The following SMCO4 variants were observed in gnomAD, a reference collection of about 807,000 sequenced individuals.
The protein encoded by SMCO4 is single-pass membrane and coiled-coil domain-containing protein 4.
A neutral mutation model predicts 3.6 loss-of-function variants in SMCO4; 4 were observed. That is an observed-to-expected ratio of 1.11 (90% CI 0.54 to 2.53). The LOEUF (loss-of-function observed/expected upper bound fraction) is 2.53. Ranked by LOEUF, SMCO4 falls within the 30% of genes most tolerant of loss-of-function variation. SMCO4 has a pLI of 0.02. For synonymous variants in SMCO4, 36 were observed against 35.3 expected (o/e 1.02, Z -0.07); for missense variants, 70 against 80.8 (o/e 0.87, Z 0.51).
At chr11:93,523,144 T>C (rs886610023) in intron 1 of SMCO4, among the ~76,000 whole-genome samples, 64 of 152,186 alleles carry the variant, frequency 4.2e-4, no homozygotes, top group African/African-American at 1.4e-3. Context: ...TGACCAAAAA[T>C]GTAAGAGCTG....
intron 1 of SMCO4, among the ~76,000 whole-genome samples, chr11:93,534,375 TAGAGAGAG>T (rs1555079957): frequency 7.0e-6 from 1 of 142,132 alleles, no homozygotes; most frequent in Admixed American, 7.1e-5. Context: ...TATATATATA[TAGAGAGAG>T]AGAGAGAGAG....
chr11:93,532,238 A>T (rs1190584751), intron 1 of SMCO4, among the ~76,000 whole-genome samples: 1 of 152,258 alleles, frequency 6.6e-6, no homozygotes, highest in Non-Finnish European at 1.5e-5. Flanking sequence ...AAACAGAGAC[A>T]CACACCGTAA....
At chr11:93,537,746 G>A (rs112893486) in intron 1 of SMCO4, 8 of 151,938 alleles carry the variant, frequency 5.3e-5, no homozygotes, top group African/African-American at 1.4e-4. Flanking sequence ...GGGGACTGCC[G>A]AGAAGTGCCC....
chr11:93,534,373 TATAGAGAGAG>T (rs1949198258), intron 1 of SMCO4, among the ~76,000 whole-genome samples: 1 of 134,186 alleles, frequency 7.5e-6, no homozygotes, highest in African/African-American at 2.8e-5. Flanking sequence ...TATATATATA[TATAGAGAGAG>T]AGAGAGAGAG....
chr11:93,513,281 T>G (rs1167586585), intron 1 of SMCO4, among the ~76,000 whole-genome samples: 1 of 152,242 alleles, frequency 6.6e-6, no homozygotes. Context: ...TGTGAAGACC[T>G]TAGCAATGTT....
intron 1 of SMCO4, among the ~76,000 whole-genome samples, chr11:93,507,614 A>G (rs918056174): frequency 1.3e-5 from 2 of 152,218 alleles, no homozygotes; most frequent in African/African-American, 4.8e-5. Context: ...GATCCTTTCA[A>G]TGGATGTGAT....
At chr11:93,480,155 G>A (rs149170953) in intron 2 of SMCO4, among the ~76,000 whole-genome samples, 2 of 152,174 alleles carry the variant, frequency 1.3e-5, no homozygotes, top group Admixed American at 6.5e-5. Flanking sequence ...GATTTAAATC[G>A]AGTTTACTTA....
intron 1 of SMCO4, among the ~76,000 whole-genome samples, chr11:93,522,317 T>C (rs2305662): frequency 0.016 from 2,431 of 152,304 alleles, 110 homozygotes; most frequent in East Asian, 0.14. Flanking sequence ...TCTTGGTCTA[T>C]AAAACAGAAG....
the SMCO4 span, among the ~76,000 whole-genome samples, chr11:93,551,898 T>C: frequency 4.6e-5 from 7 of 152,156 alleles, no homozygotes; most frequent in Non-Finnish European, 8.8e-5. Context: ...AAGTACTTCC[T>C]GAAACTTGAA....
Position 93,485,757 on chromosome 11 carries a change from C to T in SMCO4, c.-80-6488G>A, listed in dbSNP as rs77050160. Among the ~76,000 whole-genome samples the T allele has an allele frequency of 8.1e-3, 1,227 of 152,316 alleles. 17 individuals carry two copies. Among genetic ancestry groups the T allele is most frequent in the African/African-American group, 0.028 (1,176 of 41,560 alleles). Reference sequence around the variant, plus strand: ...AAGACAAGCAGTTCATCTTAGGCAACTAACCATTGAGTTAGAATAGAAAAT... The same window carrying T: ...AAGACAAGCAGTTCATCTTAGGCAATTAACCATTGAGTTAGAATAGAAAAT... On this transcript the variant is annotated intron_variant, in intron 2 of 2. Coordinates refer to ENST00000298966, the MANE Select transcript of SMCO4 (RefSeq NM_020179.3).
intron 1 of SMCO4, among the ~76,000 whole-genome samples, chr11:93,526,542 G>C (rs1040328723): frequency 6.6e-6 from 1 of 152,112 alleles, no homozygotes; most frequent in African/African-American, 2.4e-5. Flanking sequence ...CCAGTGAAGC[G>C]ATGGTAGAGG....
intron 1 of SMCO4, among the ~76,000 whole-genome samples, chr11:93,508,714 A>G (rs955102204): frequency 1.7e-4 from 26 of 152,254 alleles, no homozygotes; most frequent in Admixed American, 1.4e-3. Context: ...AAGAGGGAAA[A>G]TGAATGCAGC....
At position 93,479,111 on chromosome 11, in the gene SMCO4, G is replaced by A. The variant is rs766439976; in HGVS notation, c.79C>T (p.Arg27Trp). 40 of 1,613,886 alleles carry A rather than the reference G, an allele frequency of 2.5e-5. No homozygotes were observed. Among genetic ancestry groups the A allele is most frequent in the East Asian group, 6.7e-5 (3 of 44,826 alleles). Residue 27 changes from arginine (R) to tryptophan (W), a missense_variant, in exon 3 of 3, where the codon CGG becomes TGG. Physicochemically the swap from Arg to Trp is moderately radical, Grantham distance 101 (BLOSUM62 -3). Transcript: ENST00000298966. ...KERKQAMQEA[R>W]QQITTVVLPT... ...AGCACCACTGTAGTGATCTGCTGCCGGGCCTCCTGCATGGCTTGCTTCCGC... is the reference window on the plus strand; with the variant it reads ...AGCACCACTGTAGTGATCTGCTGCCAGGCCTCCTGCATGGCTTGCTTCCGC...
At position 93,514,413 on chromosome 11, in the gene SMCO4, T is replaced by TATATATATATATATACAC. The variant is rs781423008; in HGVS notation, c.-153-15066_-153-15065insGTGTATATATATATATAT. ...ATATATATATATATATATATATATA[T>TATATATATATATATACAC]ATATATATAAAATTTGGTCTCTTCC... On this transcript the variant is annotated intron_variant, in intron 1 of 2. Transcript: ENST00000298966. 3.8e-3 allele frequency among the ~76,000 whole-genome samples: 129 copies of TATATATATATATATACAC among 33,922 alleles called. 10 individuals are homozygous for TATATATATATATATACAC. The highest frequency in any genetic ancestry group is 6.3e-3 in the Non-Finnish European group (89 of 14,028). 22.3% of individuals were successfully genotyped at this position (33,922 alleles called of 152,430 possible). A position where few individuals can be genotyped will look rare whatever the true frequency, so the allele number is the denominator to read the frequency against.
intron 1 of SMCO4, among the ~76,000 whole-genome samples, chr11:93,524,003 G>A (rs1949083627): frequency 6.6e-6 from 1 of 152,198 alleles, no homozygotes; most frequent in Admixed American, 6.5e-5. Flanking sequence ...GGGAGGAAGT[G>A]TGCAGGGAAG....
chr11:93,502,171 A>AT, intron 1 of SMCO4, among the ~76,000 whole-genome samples: 1 of 152,236 alleles, frequency 6.6e-6, no homozygotes, highest in Non-Finnish European at 1.5e-5. Context: ...TAAAGTGATT[A>AT]CATTAATCTG....
chr11:93,545,640 T>G (rs2134648483), upstream of SMCO4, among the ~76,000 whole-genome samples: 1 of 149,290 alleles, frequency 6.7e-6, no homozygotes, highest in East Asian at 2.0e-4. Context: ...AAAGAAAGTG[T>G]CATCCTTTAT....
At chr11:93,503,127 G>T (rs1448807969) in intron 1 of SMCO4, among the ~76,000 whole-genome samples, 1 of 152,172 alleles carries the variant, frequency 6.6e-6, no homozygotes, top group Non-Finnish European at 1.5e-5. Context: ...GTCAGGTCCT[G>T]TATCAGTCCA....
At chr11:93,485,925 T>C (rs1177763790) in intron 2 of SMCO4, among the ~76,000 whole-genome samples, 1 of 152,200 alleles carries the variant, frequency 6.6e-6, no homozygotes, top group East Asian at 1.9e-4. Context: ...CATCAAAGAC[T>C]GCTGGGAACA....
Sources: gnomAD v4.1 joint callset for allele counts (sites outside exome capture counted in the v4.1 genomes callset) on GRCh38, gnomAD v4.1.1 for gene constraint, MANE v1.5 for transcripts, NCBI Gene and HGNC (gene_info 2026-07-23, HGNC 2026-07-21) for gene names.